ASTN1: variants seen among roughly 807,000 people sequenced by gnomAD.
ASTN1 encodes the protein astrotactin-1.
A neutral mutation model predicts 140.7 loss-of-function variants in ASTN1; 41 were observed. The observed-to-expected ratio is 0.29, with a 90% CI of 0.23 to 0.38. ASTN1 has a LOEUF of 0.38. ASTN1 is among the 10% of genes least tolerant of loss of function. ASTN1 has a pLI of 1.00. For missense variants in ASTN1, 1,479 were observed against 1,678.8 expected, an observed-to-expected ratio of 0.88 and a Z score of 2.08; for synonymous variants, 640 against 652.2, an observed-to-expected ratio of 0.98 and a Z score of 0.29.
chr1:176,992,257 C>T (rs1175255631), intron 8 of ASTN1, among the ~76,000 whole-genome samples: 2 of 152,028 alleles, frequency 1.3e-5, no homozygotes, highest in Non-Finnish European at 2.9e-5. Context: ...TTTCTGCTAC[C>T]AATAGGAACA....
chr1:177,121,095 T>TATATAC (rs1553258404), intron 1 of ASTN1, among the ~76,000 whole-genome samples: 4 of 152,086 alleles, frequency 2.6e-5, no homozygotes, highest in Middle Eastern at 3.4e-3. Context: ...TATATATATA[T>TATATAC]ATACATGCAC....
At chr1:176,903,897 G>T (rs1669872518) in intron 16 of ASTN1, among the ~76,000 whole-genome samples, 1 of 152,156 alleles carries the variant, frequency 6.6e-6, no homozygotes, top group African/African-American at 2.4e-5. Context: ...GCTTCTGGTG[G>T]CTCCCAGCTG....
chr1:177,133,504 C>T (rs549615559), intron 1 of ASTN1, among the ~76,000 whole-genome samples: 1 of 152,306 alleles, frequency 6.6e-6, no homozygotes, highest in South Asian at 2.1e-4. Flanking sequence ...AAGCCTTTCT[C>T]TTTTCTTTAG....
chr1:176,982,412 C>T (rs892760957), intron 8 of ASTN1, among the ~76,000 whole-genome samples: 4 of 152,274 alleles, frequency 2.6e-5, no homozygotes, highest in Middle Eastern at 3.4e-3. Flanking sequence ...TCGCAAACCT[C>T]GGCGTGCATC....
chr1:177,008,512 C>CAGGAAGAGAGAGT (rs1558028011), intron 8 of ASTN1, among the ~76,000 whole-genome samples: 9 of 27,952 alleles, frequency 3.2e-4, no homozygotes, highest in African/African-American at 1.2e-3. Flanking sequence ...GAAGAGAGAG[C>CAGGAAGAGAGAGT]GGGAGATAGG....
intron 20 of ASTN1, among the ~76,000 whole-genome samples, chr1:176,881,171 G>C (rs1001060244): frequency 1.3e-5 from 2 of 152,174 alleles, no homozygotes; most frequent in African/African-American, 4.8e-5. Flanking sequence ...CTTGTGATCT[G>C]CAGCGCCACC....
intron 8 of ASTN1, among the ~76,000 whole-genome samples, chr1:176,994,120 C>T (rs1029406270): frequency 6.6e-6 from 1 of 151,602 alleles, no homozygotes; most frequent in African/African-American, 2.4e-5. Flanking sequence ...CGCCACCCAC[C>T]AATGAGAACT....
At chr1:177,139,752 C>T (rs905069530) in intron 1 of ASTN1, among the ~76,000 whole-genome samples, 2 of 152,286 alleles carry the variant, frequency 1.3e-5, no homozygotes, top group South Asian at 4.2e-4. Flanking sequence ...GGAAAACCTT[C>T]ACTAATCTTT....
intron 1 of ASTN1, among the ~76,000 whole-genome samples, chr1:177,136,374 A>G (rs1026277914): frequency 5.7e-5 from 8 of 141,468 alleles, no homozygotes; most frequent in Non-Finnish European, 1.2e-4. Flanking sequence ...TTTTTTTGAG[A>G]CAGGGTCTCT....
At chr1:177,029,386 G>A (rs1676302398) in intron 5 of ASTN1, 1 of 705,344 alleles carries the variant, frequency 1.4e-6, no homozygotes, top group Non-Finnish European at 2.7e-6. Context: ...CCAAGAAATA[G>A]CCTTTCAAAC....
chr1:176,960,311 A>G (rs11805765), intron 9 of ASTN1, among the ~76,000 whole-genome samples: 8,645 of 152,298 alleles, frequency 0.057, 315 homozygotes, highest in South Asian at 0.1. Context: ...AGTAGTTTGA[A>G]TGGTACCAAG....
chr1:177,128,080 A>G (rs1681754830), intron 1 of ASTN1, among the ~76,000 whole-genome samples: 1 of 152,160 alleles, frequency 6.6e-6, no homozygotes, highest in Non-Finnish European at 1.5e-5. Context: ...TCTTTTCTTA[A>G]TTACAACCCT....
chr1:177,121,140 C>G (rs1340439603), intron 1 of ASTN1, among the ~76,000 whole-genome samples: 1 of 151,772 alleles, frequency 6.6e-6, no homozygotes, highest in Admixed American at 6.6e-5. Flanking sequence ...GAAGAAGGAA[C>G]AAAAGGTTTT....
At chr1:177,060,404 C>G (rs1256984320) in intron 2 of ASTN1, among the ~76,000 whole-genome samples, 2 of 152,198 alleles carry the variant, frequency 1.3e-5, no homozygotes, top group African/African-American at 2.4e-5. Context: ...TAGTGGCAAG[C>G]AGCTTGGAGA....
chr1:176,978,947 A>G (rs530842829), intron 8 of ASTN1, among the ~76,000 whole-genome samples: 14 of 152,294 alleles, frequency 9.2e-5, no homozygotes, highest in African/African-American at 3.1e-4. Context: ...TGTTCAGAAA[A>G]TATGCATTCA....
intron 2 of ASTN1, among the ~76,000 whole-genome samples, chr1:177,058,706 A>G (rs1361711660): frequency 1.3e-5 from 2 of 152,034 alleles, no homozygotes; most frequent in African/African-American, 4.8e-5. Flanking sequence ...TTGTATTTCC[A>G]TTGATTTTTG....
downstream of ASTN1, chr1:176,857,580 C>T (rs767279324): frequency 6.9e-6 from 4 of 581,644 alleles, no homozygotes; most frequent in Admixed American, 6.2e-5. Context: ...AGGGGAAATA[C>T]CCTGGCTGCC....
intron 16 of ASTN1, among the ~76,000 whole-genome samples, chr1:176,902,707 T>C (rs980902646): frequency 2.0e-5 from 3 of 152,210 alleles, no homozygotes; most frequent in African/African-American, 7.2e-5. Context: ...GATGGGATAG[T>C]AGAATTTTCT....
intron 1 of ASTN1, among the ~76,000 whole-genome samples, chr1:177,148,395 G>T (rs1053723946): frequency 6.6e-5 from 10 of 150,734 alleles, no homozygotes; most frequent in Admixed American, 5.3e-4. Flanking sequence ...TCCAGCCTAG[G>T]TGAAAGAGCA....
Sources: allele counts gnomAD v4.1 joint callset (sites outside exome capture counted in the v4.1 genomes callset), GRCh38; gene constraint gnomAD v4.1.1; transcripts MANE v1.5; gene names NCBI Gene and HGNC (gene_info 2026-07-23, HGNC 2026-07-21).